IRAK1BP1: variants seen among roughly 807,000 people sequenced by gnomAD.
IRAK1BP1 encodes interleukin 1 receptor associated kinase 1 binding protein 1.
Under a neutral mutation model 28.0 loss-of-function variants are expected in IRAK1BP1, and 24 were observed. The ratio of observed to expected loss-of-function variants is 0.86; its 90% CI spans 0.62 to 1.20. The LOEUF (loss-of-function observed/expected upper bound fraction) is 1.20. Among genes scored for constraint, IRAK1BP1 ranks in the 50% most tolerant of loss-of-function variants. IRAK1BP1 has a pLI of 0.00. For synonymous variants in IRAK1BP1, 131 were observed against 116.3 expected, an observed-to-expected ratio of 1.13 and a Z score of -0.81; for missense variants, 336 against 316.7, an observed-to-expected ratio of 1.06 and a Z score of -0.46.
intron 1 of IRAK1BP1, among the ~76,000 whole-genome samples, chr6:78,879,897 T>C (rs1032189731): frequency 6.6e-6 from 1 of 152,188 alleles, no homozygotes; most frequent in Admixed American, 6.5e-5. Context: ...TCAGGTGTCA[T>C]ATGACATACA....
chr6:78,955,562 T>C, the IRAK1BP1 span: 1 of 654,442 alleles, frequency 1.5e-6, no homozygotes. Context: ...ATATGTAAAT[T>C]TTTTTATATA....
At chr6:78,935,683 C>A in intron 4 of IRAK1BP1, 1 of 984,452 alleles carries the variant, frequency 1.0e-6, no homozygotes, top group Non-Finnish European at 1.2e-6. Flanking sequence ...TATCTTTTAA[C>A]TGACAGTTTT....
chr6:78,867,689 G>T lies in IRAK1BP1; in HGVS notation c.113G>T (p.Arg38Leu). 6.2e-7 allele frequency: 1 copy of T among 1,614,238 alleles called. No individual in the cohort carries two copies. The highest frequency in any genetic ancestry group is 8.5e-7 in the Non-Finnish European group (1 of 1,180,046). ...ASGRETLPGL[R>L]HPLSSTQAQT... ...GGGAGAGAGACGCTACCGGGCTTAC[G>T]CCACCCCCTCTCCTCAACACAAGCC... The change falls in exon 1 of 4, where the codon CGC becomes CTC. Residue 38 changes from arginine (R) to leucine (L), a missense_variant. Transcript: ENST00000369940.
the IRAK1BP1 span, among the ~76,000 whole-genome samples, chr6:78,975,611 G>A: frequency 3.3e-5 from 5 of 152,074 alleles, no homozygotes; most frequent in South Asian, 2.1e-4. Flanking sequence ...ACATGATTGT[G>A]TATCTAGAAA....
At chr6:78,972,524 C>T in the IRAK1BP1 span, among the ~76,000 whole-genome samples, 13 of 152,294 alleles carry the variant, frequency 8.5e-5, no homozygotes, top group Middle Eastern at 3.4e-3. Flanking sequence ...CAAAGCTGGA[C>T]GCAGAATGAC....
rs781678670 is a variant in IRAK1BP1 at position 78,885,455 on chromosome 6, A to AC, written c.381+13dup. On this transcript the variant is annotated intron_variant, in intron 2 of 3. Coordinates refer to ENST00000369940, the MANE Select transcript of IRAK1BP1 (RefSeq NM_001010844.4). ...ACATGGAAGCAGAGGTATGTACTTAACAAATAATTGGAAGCAGCATGATTT... is the reference window on the plus strand; with the variant it reads ...ACATGGAAGCAGAGGTATGTACTTAACCAAATAATTGGAAGCAGCATGATTT... 4.5e-5 allele frequency: 15 copies of AC among 336,834 alleles called. 1 individual carries two copies. The South Asian group carries it at 1.2e-3, about 27-fold the overall frequency. 20.9% of individuals were successfully genotyped at this position (336,834 alleles called of 1,614,324 possible).
the IRAK1BP1 span, among the ~76,000 whole-genome samples, chr6:78,975,017 AT>A: frequency 6.6e-6 from 1 of 151,488 alleles, no homozygotes; most frequent in East Asian, 1.9e-4. Flanking sequence ...CCCCTAACTC[AT>A]TTTATGAGGC....
chr6:78,896,013 A>T (rs1440630710), intron 2 of IRAK1BP1, among the ~76,000 whole-genome samples: 1 of 152,214 alleles, frequency 6.6e-6, no homozygotes, highest in African/African-American at 2.4e-5. Context: ...TTTAAAATAC[A>T]TAGGGATAAA....
At chr6:78,876,144 C>G (rs893447188) in intron 1 of IRAK1BP1, among the ~76,000 whole-genome samples, 1 of 152,086 alleles carries the variant, frequency 6.6e-6, no homozygotes, top group African/African-American at 2.4e-5. Flanking sequence ...GGGCAGTTTC[C>G]TCCGTGCTGT....
At chr6:78,875,661 G>A (rs1770974289) in intron 1 of IRAK1BP1, among the ~76,000 whole-genome samples, 1 of 152,132 alleles carries the variant, frequency 6.6e-6, no homozygotes, top group African/African-American at 2.4e-5. Flanking sequence ...TAAGTGAGAA[G>A]TAAACATTGG....
chr6:78,963,381 T>C, the IRAK1BP1 span: 1 of 616,446 alleles, frequency 1.6e-6, no homozygotes, highest in Non-Finnish European at 2.6e-6. Flanking sequence ...ATACTCTTTA[T>C]TTTAACAAAG....
exon 5 of IRAK1BP1, chr6:78,945,669 CTTAATAG>C: frequency 1.6e-6 from 1 of 629,468 alleles, no homozygotes; most frequent in African/African-American, 1.9e-5. Flanking sequence ...ACTAGAAACT[CTTAATAG>C]TTTCAGCCCT....
Position 78,902,720 on chromosome 6 carries a change from G to A in IRAK1BP1, c.*4386G>A, listed in dbSNP as rs1464983944. The stretch of plus-strand genomic sequence containing the variant: ...TGGGAGGCAGAGCTTACAGTGAGCC[G>A]AGATCGCACCACTGCACTTCAGCCT... On this transcript the variant is annotated 3_prime_UTR_variant, in exon 4 of 4. Transcript: ENST00000369940. 4 of 310,392 alleles carry A rather than the reference G, an allele frequency of 1.3e-5. No individual in the cohort carries two copies. Among genetic ancestry groups the A allele is most frequent in the South Asian group, 8.8e-5 (1 of 11,354 alleles). The allele number at this position is 310,392 out of a possible 1,614,324, so 19.2% of individuals were successfully genotyped here. A position where few individuals can be genotyped will look rare whatever the true frequency, so the allele number is the denominator to read the frequency against.
chr6:78,961,913 T>C, the IRAK1BP1 span: 2 of 815,478 alleles, frequency 2.5e-6, no homozygotes, highest in Non-Finnish European at 3.8e-6. Context: ...ATCTACATAA[T>C]CATTAGTCTG....
the IRAK1BP1 span, among the ~76,000 whole-genome samples, chr6:78,962,779 C>T: frequency 1.3e-5 from 2 of 152,144 alleles, no homozygotes; most frequent in African/African-American, 4.8e-5. Flanking sequence ...AATCCTCCTC[C>T]TCCAATTCAT....
chr6:78,970,043 C>T, the IRAK1BP1 span: 1,688 of 1,613,198 alleles, frequency 1.0e-3, 19 homozygotes, highest in African/African-American at 0.02. Context: ...TTTCAACAGT[C>T]CTTACTTCAT....
At chr6:78,977,611 A>C in the IRAK1BP1 span, among the ~76,000 whole-genome samples, 1 of 152,138 alleles carries the variant, frequency 6.6e-6, no homozygotes, top group African/African-American at 2.4e-5. Flanking sequence ...AGCAGCTAAA[A>C]AGACAACCTA....
the IRAK1BP1 span, chr6:78,961,849 T>G: frequency 6.7e-7 from 1 of 1,486,400 alleles, no homozygotes; most frequent in Non-Finnish European, 9.2e-7. Context: ...TATTTTTGTA[T>G]GCCTAAAATA....
At chr6:78,895,231 A>G (rs1771837165) in intron 2 of IRAK1BP1, among the ~76,000 whole-genome samples, 1 of 152,200 alleles carries the variant, frequency 6.6e-6, no homozygotes, top group African/African-American at 2.4e-5. Flanking sequence ...ATTTTAAAAC[A>G]TACTTTTCAG....
Sources: gnomAD v4.1 joint callset for allele counts (sites outside exome capture counted in the v4.1 genomes callset) on GRCh38, gnomAD v4.1.1 for gene constraint, MANE v1.5 for transcripts, NCBI Gene and HGNC (gene_info 2026-07-23, HGNC 2026-07-21) for gene names.